SH3KBP1: variants seen among roughly 807,000 people sequenced by gnomAD.
SH3KBP1 encodes SH3 domain containing kinase binding protein 1, also known as SH3 domain-containing kinase-binding protein 1.
SH3KBP1 carries 8 observed loss-of-function variants against 50.1 expected under a neutral mutation model. The observed-to-expected ratio is 0.16, with a 90% CI of 0.09 to 0.29. The LOEUF (loss-of-function observed/expected upper bound fraction) is 0.29, where lower values mean the gene tolerates loss of function less well. SH3KBP1 is among the 10% of genes least tolerant of loss of function. The probability of loss-of-function intolerance (pLI) is 1.00; values close to 1 mark genes in which losing one functional copy is unlikely to be tolerated. For synonymous variants in SH3KBP1, 227 were observed against 218.6 expected (o/e 1.04, Z -0.34); for missense variants, 377 against 535.2 (o/e 0.70, Z 2.92).
chrX:19,548,471 G>C (rs137946713), intron 14 of SH3KBP1, among the ~76,000 whole-genome samples: 40 of 110,952 alleles, frequency 3.6e-4, no homozygotes, highest in African/African-American at 1.1e-3. Flanking sequence ...AGAGGTGAGA[G>C]GGAGAAGGGA....
intron 13 of SH3KBP1, among the ~76,000 whole-genome samples, chrX:19,567,184 CTA>C (rs1173043310): frequency 7.4e-5 from 8 of 107,486 alleles, no homozygotes; most frequent in African/African-American, 2.8e-4. Context: ...TGGAAATGTT[CTA>C]TGTCTTGACT....
intron 2 of SH3KBP1, among the ~76,000 whole-genome samples, chrX:19,772,450 G>A (rs1272475442): frequency 9.0e-6 from 1 of 110,909 alleles, no homozygotes; most frequent in Non-Finnish European, 1.9e-5. Flanking sequence ...AAAAAATAAG[G>A]CCCAAACAGC....
chrX:19,537,690 C>T (rs779259642), intron 17 of SH3KBP1, 27 bp downstream of exon 17: 13 of 1,190,030 alleles, frequency 1.1e-5, no homozygotes, highest in Admixed American at 8.8e-5. Context: ...CTAGGACTCA[C>T]GGGCAGCAGA....
intron 1 of SH3KBP1, among the ~76,000 whole-genome samples, chrX:19,842,256 A>G (rs949403205): frequency 8.9e-6 from 1 of 112,624 alleles, no homozygotes; most frequent in Non-Finnish European, 1.9e-5. Context: ...GGCCGGGCGC[A>G]GTGGCTCACG....
At chrX:19,710,573 A>G (rs2063753411) in intron 3 of SH3KBP1, among the ~76,000 whole-genome samples, 1 of 112,016 alleles carries the variant, frequency 8.9e-6, no homozygotes, top group Non-Finnish European at 1.9e-5. Flanking sequence ...TTATTATAGT[A>G]TATTGTTAGT....
chrX:19,653,763 TACACACACACAC>T (rs60424271), intron 6 of SH3KBP1, among the ~76,000 whole-genome samples: 1,141 of 80,252 alleles, frequency 0.014, 15 homozygotes, highest in African/African-American at 0.034. Flanking sequence ...TATGTCTAAA[TACACACACACAC>T]ACACACACAC....
chrX:19,665,617 G>A (rs2062578466), intron 6 of SH3KBP1, among the ~76,000 whole-genome samples: 1 of 111,725 alleles, frequency 9.0e-6, no homozygotes, highest in Non-Finnish European at 1.9e-5. Flanking sequence ...TTGGGATCTA[G>A]CCTCCAACAT....
At chrX:19,852,437 G>C (rs1271361617) in intron 1 of SH3KBP1, among the ~76,000 whole-genome samples, 1 of 110,703 alleles carries the variant, frequency 9.0e-6, no homozygotes, top group Non-Finnish European at 1.9e-5. Flanking sequence ...ACAGCAACAG[G>C]AACTGGAATA....
intron 8 of SH3KBP1, among the ~76,000 whole-genome samples, chrX:19,626,305 C>T (rs1165044231): frequency 9.0e-6 from 1 of 111,363 alleles, no homozygotes; most frequent in Non-Finnish European, 1.9e-5. Flanking sequence ...AAGCAAAATT[C>T]CTGGTTTGAA....
At chrX:19,647,539 A>C (rs1203458833) in intron 6 of SH3KBP1, among the ~76,000 whole-genome samples, 1 of 111,926 alleles carries the variant, frequency 8.9e-6, no homozygotes, top group Non-Finnish European at 1.9e-5. Flanking sequence ...CCTATTTCAG[A>C]AAACACAGCA....
At position 19,837,915 on chromosome X, in the gene SH3KBP1, T is replaced by C. The variant is rs1428416905; in HGVS notation, c.5-1633A>G. The stretch of plus-strand genomic sequence containing the variant: ...TGAGCTCTGTAAAGCATGCATATGC[T>C]AAAATTAACTCAAAATAGTTCACAG... On this transcript the variant is annotated intron_variant, in intron 1 of 17. Transcript: ENST00000397821. Among the ~76,000 whole-genome samples the C allele has an allele frequency of 1.2e-4, 13 of 112,177 alleles. No homozygotes were observed. The Admixed American group carries it at 1.2e-3, about 11-fold the overall frequency.
chrX:19,593,785 G>T (rs1265655440), intron 10 of SH3KBP1, among the ~76,000 whole-genome samples: 1 of 111,724 alleles, frequency 9.0e-6, no homozygotes, highest in Non-Finnish European at 1.9e-5. Flanking sequence ...CACGGTCTCT[G>T]ATCAATTACC....
chrX:19,609,228 G>A (rs1326772553), intron 8 of SH3KBP1, among the ~76,000 whole-genome samples: 4 of 111,817 alleles, frequency 3.6e-5, no homozygotes, highest in Non-Finnish European at 7.5e-5. Context: ...TTTGTCCTCC[G>A]AGTCCAATTC....
At chrX:19,598,165 T>C (rs1215290375) in intron 9 of SH3KBP1, among the ~76,000 whole-genome samples, 1 of 112,362 alleles carries the variant, frequency 8.9e-6, no homozygotes, top group Non-Finnish European at 1.9e-5. Flanking sequence ...TAAAGAAGTG[T>C]TGTGGCTGGT....
intron 6 of SH3KBP1, among the ~76,000 whole-genome samples, chrX:19,650,707 T>A (rs945664058): frequency 3.6e-5 from 4 of 112,613 alleles, no homozygotes; most frequent in African/African-American, 1.3e-4. Flanking sequence ...CTGAGAGGAT[T>A]CCTTCCCTTT....
chrX:19,612,822 A>G (rs1020566112), intron 8 of SH3KBP1, among the ~76,000 whole-genome samples: 10 of 112,026 alleles, frequency 8.9e-5, no homozygotes, highest in Non-Finnish European at 1.7e-4. Context: ...GGATTTACAA[A>G]CAAGTGGGAC....
intron 2 of SH3KBP1, among the ~76,000 whole-genome samples, chrX:19,757,310 C>T (rs1173642654): frequency 1.8e-5 from 2 of 109,833 alleles, no homozygotes; most frequent in Admixed American, 9.7e-5. Context: ...AAACTACATG[C>T]CTACCCCATA....
intron 3 of SH3KBP1, among the ~76,000 whole-genome samples, chrX:19,710,890 G>A (rs1318118160): frequency 9.0e-6 from 1 of 110,715 alleles, no homozygotes; most frequent in African/African-American, 3.3e-5. Context: ...AGACCCCACG[G>A]CCCCCTTCCA....
In SH3KBP1 at chrX:19,588,759, G is replaced by A. The variant is rs145759622; in HGVS notation, c.1182C>T (p.Ser394=). Residue 394 remains serine (S), a synonymous_variant, in exon 12 of 18, where the codon TCC becomes TCT. Coordinates refer to ENST00000397821, the MANE Select transcript of SH3KBP1 (RefSeq NM_031892.3). ...REPKLDLQKP[S]VPAIPPKKPR... The stretch of plus-strand genomic sequence containing the variant: ...GCTTTTTTGGCGGTATGGCAGGAAC[G>A]GAGGGCTTCTGTAAATCCAGTTTTG... The A allele has an allele frequency of 1.0e-4, 120 of 1,179,525 alleles. 1 individual carries two copies. In the African/African-American group the frequency reaches 1.1e-3, roughly 11 times the overall value.
Sources: gnomAD v4.1 joint callset for allele counts (sites outside exome capture counted in the v4.1 genomes callset) on GRCh38, gnomAD v4.1.1 for gene constraint, MANE v1.5 for transcripts, NCBI Gene and HGNC (gene_info 2026-07-23, HGNC 2026-07-21) for gene names.